The following SUMF1 variants were observed in gnomAD, a reference collection of about 807,000 sequenced individuals.
The protein encoded by SUMF1 is formylglycine-generating enzyme.
A neutral mutation model predicts 47.6 loss-of-function variants in SUMF1; 48 were observed. The observed-to-expected ratio is 1.01, with a 90% confidence interval of 0.80 to 1.28. The LOEUF is 1.28. SUMF1 is among the 50% of genes most tolerant of loss of function. The pLI is 0.00. For synonymous variants in SUMF1, 230 were observed against 192.1 expected, an observed-to-expected ratio of 1.20 and a Z score of -1.63; for missense variants, 571 against 485.4, an observed-to-expected ratio of 1.18 and a Z score of -1.66.
intron 8 of SUMF1, among the ~76,000 whole-genome samples, chr3:4,286,784 G>A (rs1023756369): frequency 5.3e-5 from 8 of 152,136 alleles, no homozygotes; most frequent in Middle Eastern, 3.4e-3. Context: ...AACACCTAAC[G>A]TACACTTGTA....
rs543117269 is a variant in SUMF1 at position 4,199,494 on chromosome 3, A to G, written c.1015-130749T>C. On this transcript the variant is annotated intron_variant and NMD_transcript_variant, in intron 8 of 12. Transcript: ENST00000448413. ...TTCCTCTTGGGCAAATACATAGGAG[A>G]GAAATTTCTGGGTTGTATGGTAATT... 6.6e-5 allele frequency among the ~76,000 whole-genome samples: 10 copies of G among 152,168 alleles called. No individual in the cohort carries two copies. The South Asian group carries it at 1.7e-3, about 25-fold the overall frequency.
intron 8 of SUMF1, among the ~76,000 whole-genome samples, chr3:4,173,088 A>T (rs918831880): frequency 6.6e-6 from 1 of 152,222 alleles, no homozygotes; most frequent in Admixed American, 6.5e-5. Context: ...TGGTTTTCCC[A>T]GCACAATTTA....
intron 8 of SUMF1, among the ~76,000 whole-genome samples, chr3:4,105,682 G>T (rs1189976908): frequency 6.6e-6 from 1 of 151,982 alleles, no homozygotes; most frequent in Non-Finnish European, 1.5e-5. Flanking sequence ...ATGTCTGTTT[G>T]GGGAACTAAA....
chr3:4,163,194 G>A (rs1335043336), intron 8 of SUMF1, among the ~76,000 whole-genome samples: 1 of 151,626 alleles, frequency 6.6e-6, no homozygotes, highest in Non-Finnish European at 1.5e-5. Flanking sequence ...GACTGCTAGG[G>A]TTTCCGGGTC....
At chr3:4,296,825 C>T (rs527927885) in intron 8 of SUMF1, among the ~76,000 whole-genome samples, 30 of 152,260 alleles carry the variant, frequency 2.0e-4, no homozygotes, top group Non-Finnish European at 2.4e-4. Flanking sequence ...CAGTACCTTT[C>T]CTGGCTAAAA....
At chr3:4,097,888 T>C (rs951248912) in intron 8 of SUMF1, among the ~76,000 whole-genome samples, 21 of 152,138 alleles carry the variant, frequency 1.4e-4, no homozygotes, top group African/African-American at 5.1e-4. Context: ...CAGAAGTTGG[T>C]GTGGCATTCA....
chr3:4,399,391 C>T (rs116229090), intron 7 of SUMF1, among the ~76,000 whole-genome samples: 3 of 152,108 alleles, frequency 2.0e-5, no homozygotes, highest in African/African-American at 7.2e-5. Context: ...CTCTTCCCCC[C>T]CAAACCATTT....
At chr3:4,384,482 C>T (rs998451989) in intron 7 of SUMF1, among the ~76,000 whole-genome samples, 1 of 152,188 alleles carries the variant, frequency 6.6e-6, no homozygotes, top group African/African-American at 2.4e-5. Flanking sequence ...CCTTCCCAAC[C>T]CCAACCCCTT....
chr3:4,463,829 TG>T (rs1227757413), intron 1 of SUMF1, among the ~76,000 whole-genome samples: 1 of 152,272 alleles, frequency 6.6e-6, no homozygotes, highest in Admixed American at 6.5e-5. Flanking sequence ...TTTGCTTCCT[TG>T]TTACAAAATC....
chr3:4,173,951 A>G (rs1694896104), intron 8 of SUMF1, among the ~76,000 whole-genome samples: 1 of 152,162 alleles, frequency 6.6e-6, no homozygotes. Context: ...TGGGTGTGGC[A>G]AACCACCATG....
chr3:4,364,257 T>A (rs1699872464), intron 8 of SUMF1, among the ~76,000 whole-genome samples: 1 of 117,446 alleles, frequency 8.5e-6, no homozygotes, highest in African/African-American at 2.7e-5. Flanking sequence ...TTAGGGAGGA[T>A]TCCCTCTTTT....
At position 4,118,820 on chromosome 3, in the gene SUMF1, T is replaced by C. The variant is rs538221053; in HGVS notation, c.1015-50075A>G. Among the ~76,000 whole-genome samples, 33 of 152,244 alleles carry C rather than the reference T, an allele frequency of 2.2e-4. 1 individual carries two copies. Among genetic ancestry groups the C allele is most frequent in the African/African-American group, 7.2e-4 (30 of 41,516 alleles). ...AGAGCTCAACATCACCACTGCTGTTTTTGCTTCTACATTACATAAAACTTT... is the reference window on the plus strand; with the variant it reads ...AGAGCTCAACATCACCACTGCTGTTCTTGCTTCTACATTACATAAAACTTT... On this transcript the variant is annotated intron_variant and NMD_transcript_variant, in intron 8 of 12. Coordinates refer to the SUMF1 transcript ENST00000448413.
At chr3:4,292,840 A>T (rs1314080826) in intron 8 of SUMF1, among the ~76,000 whole-genome samples, 1 of 152,180 alleles carries the variant, frequency 6.6e-6, no homozygotes, top group African/African-American at 2.4e-5. Flanking sequence ...TTGCTAAGAG[A>T]TGAAAAAAGA....
chr3:4,368,192 TTC>T (rs1700044494), intron 8 of SUMF1, among the ~76,000 whole-genome samples: 1 of 152,170 alleles, frequency 6.6e-6, no homozygotes, highest in Admixed American at 6.5e-5. Flanking sequence ...GAACAGACAC[TTC>T]TCAGAAGAAG....
intron 8 of SUMF1, among the ~76,000 whole-genome samples, chr3:4,191,924 G>C (rs1289281842): frequency 2.0e-5 from 3 of 152,136 alleles, no homozygotes; most frequent in Non-Finnish European, 4.4e-5. Flanking sequence ...ACAGAGGAAA[G>C]AGAGATTAAT....
Position 4,156,591 on chromosome 3 carries a change from T to C in SUMF1, c.1015-87846A>G, listed in dbSNP as rs182235827. Among the ~76,000 whole-genome samples, 128 of 151,774 alleles carry C rather than the reference T, an allele frequency of 8.4e-4. 3 individuals carry two copies. Among genetic ancestry groups the C allele is most frequent in the South Asian group, 6.8e-3 (33 of 4,828 alleles). ...TACCTTGTCACCAAGCTAAAAACTG[T>C]TTAGTTTTCTGGGTGTTAATCCCAC... On this transcript the variant is annotated intron_variant and NMD_transcript_variant, in intron 8 of 12. Coordinates refer to the SUMF1 transcript ENST00000448413.
chr3:4,318,363 A>T (rs536517524), intron 8 of SUMF1, among the ~76,000 whole-genome samples: 2 of 152,334 alleles, frequency 1.3e-5, no homozygotes, highest in Middle Eastern at 6.8e-3. Flanking sequence ...AATCATTTCC[A>T]TAGACACAAA....
intron 8 of SUMF1, chr3:4,317,287 C>A (rs1698705382): frequency 1.5e-6 from 2 of 1,324,382 alleles, no homozygotes; most frequent in Non-Finnish European, 2.0e-6. Context: ...TTAAAATTCA[C>A]AGTCCAAAAC....
intron 8 of SUMF1, among the ~76,000 whole-genome samples, chr3:4,099,993 G>T (rs1055158063): frequency 1.3e-5 from 2 of 151,536 alleles, no homozygotes; most frequent in Non-Finnish European, 2.9e-5. Flanking sequence ...TCATGGATTG[G>T]AAGAATTCAA....
Sources: allele counts gnomAD v4.1 joint callset (sites outside exome capture counted in the v4.1 genomes callset), GRCh38; gene constraint gnomAD v4.1.1; transcripts MANE v1.5; gene names NCBI Gene and HGNC (gene_info 2026-07-23, HGNC 2026-07-21).